The following JMJD6 variants were observed in gnomAD, a reference collection of about 807,000 sequenced individuals.
JMJD6 encodes the protein bifunctional arginine demethylase and lysyl-hydroxylase JMJD6.
JMJD6 carries 17 observed loss-of-function variants against 45.8 expected under a neutral mutation model. The ratio of observed to expected loss-of-function variants is 0.37; its 90% CI spans 0.25 to 0.56. The LOEUF (loss-of-function observed/expected upper bound fraction) is 0.56, where lower values mean the gene tolerates loss of function less well. Among genes scored for constraint, JMJD6 ranks in the 20% least tolerant of loss-of-function variants. The pLI is 0.79. For missense variants in JMJD6, 470 were observed against 517.5 expected (o/e 0.91, Z 0.89); for synonymous variants, 221 against 196.3 (o/e 1.13, Z -1.05).
Position 76,718,764 on chromosome 17 carries a change from C to G in JMJD6, c.1177G>C (p.Asp393His), listed in dbSNP as rs1177861863. Residue 393 changes from aspartate to histidine, a missense_variant, in exon 6 of 6, where the codon GAC (aspartate) becomes CAC (histidine). Asp to His is a moderately conservative substitution (Grantham distance 81). Coordinates refer to ENST00000397625, the MANE Select transcript of JMJD6 (RefSeq NM_015167.3). Reference protein sequence around the residue: ...VGNGDTTSQDDCVSKERSSSR With the variant: ...VGNGDTTSQDHCVSKERSSSR ...GAGCTGCGCTCTTTGCTGACACAGT[C>G]GTCCTGGGAGGTGGTGTCCCCGTTT... 1 of 1,614,224 alleles carries G rather than the reference C, an allele frequency of 6.2e-7. No homozygotes were observed. Among genetic ancestry groups the G allele is most frequent in the Admixed American group, 1.7e-5 (1 of 60,032 alleles).
intron 5 of JMJD6, among the ~76,000 whole-genome samples, chr17:76,719,105 T>C (rs182590299): frequency 6.6e-6 from 1 of 152,310 alleles, no homozygotes; most frequent in Non-Finnish European, 1.5e-5. Context: ...AACCGTGTGG[T>C]TATCTGTCTG....
Position 76,718,704 on chromosome 17 carries a change from C to T in JMJD6, c.*25G>A, listed in dbSNP as rs922149465. On this transcript the variant is annotated 3_prime_UTR_variant, in exon 6 of 6. Transcript: ENST00000397625. ...CTGCCCTTGCCGCGAGCGTGTCCTTCCATACAGACAACAGCCTTGCTGGGT... is the reference window on the plus strand; with the variant it reads ...CTGCCCTTGCCGCGAGCGTGTCCTTTCATACAGACAACAGCCTTGCTGGGT... 1.2e-5 allele frequency: 20 copies of T among 1,611,914 alleles called. No individual in the cohort carries two copies. The highest frequency in any genetic ancestry group is 1.5e-5 in the Non-Finnish European group (18 of 1,178,782).
At position 76,725,606 on chromosome 17, in the gene JMJD6, C is replaced by A; in HGVS notation, c.379G>T (p.Asp127Tyr). The A allele has an allele frequency of 3.7e-6, 6 of 1,614,054 alleles. No homozygotes were observed. Among genetic ancestry groups the A allele is most frequent in the Non-Finnish European group, 5.1e-6 (6 of 1,180,010 alleles). The change falls in exon 2 of 6, where the codon GAT becomes TAT. Residue 127 changes from aspartate to tyrosine, a missense_variant. This residue lies in a region of JMJD6 where 346 missense variants were observed against 339.5 expected (regional missense o/e 1.02). Transcript: ENST00000397625. ...CTGTCAAAGATGTAAAGGGGACTAT[C>A]ATCTCGAGTGCTCTCCATGTACTCG... ...YIEYMESTRD[D>Y]SPLYIFDSSY...
At chr17:76,718,908 A>G (rs756761076) in intron 5 of JMJD6, 48 bp from the exon 6 acceptor site, 3 of 1,584,844 alleles carry the variant, frequency 1.9e-6, no homozygotes, top group Non-Finnish European at 2.6e-6. Context: ...GATGCAACCC[A>G]CTTCTTCATT....
At chr17:76,713,811 G>C (rs1289166110), downstream of JMJD6, 1 of 152,192 alleles carries the variant, frequency 6.6e-6, no homozygotes, top group Non-Finnish European at 1.5e-5. Flanking sequence ...ACTACCTTAA[G>C]TATACATTGG....
downstream of JMJD6, chr17:76,718,330 G>A: frequency 1.5e-6 from 1 of 652,642 alleles, no homozygotes; most frequent in Non-Finnish European, 2.1e-6. Flanking sequence ...CTACGCTGCT[G>A]GGACGACGAC....
chr17:76,725,339 G>T, intron 2 of JMJD6, 128 bp downstream of exon 2: 1 of 863,806 alleles, frequency 1.2e-6, no homozygotes, highest in Non-Finnish European at 1.7e-6. Context: ...TCGGGAGATG[G>T]AGGTTGCTGT....
At chr17:76,714,229 G>A (rs1193683619), downstream of JMJD6, 1 of 152,220 alleles carries the variant, frequency 6.6e-6, no homozygotes, top group Non-Finnish European at 1.5e-5. Context: ...TCCTCCTGAT[G>A]TTCTAGGTCC....
chr17:76,721,735 A>G (rs1046040550), intron 4 of JMJD6, 63 bp downstream of exon 4: 13 of 1,538,864 alleles, frequency 8.4e-6, no homozygotes, highest in East Asian at 6.8e-5. Flanking sequence ...GCAGTGGACT[A>G]GCCATTTTAT....
chr17:76,720,527 G>A, intron 4 of JMJD6, 29 bp from the exon 5 acceptor site: 1 of 1,610,520 alleles, frequency 6.2e-7, no homozygotes, highest in Non-Finnish European at 8.5e-7. Flanking sequence ...TGTTCTCAGT[G>A]CACTGACAGC....
Position 76,718,750 on chromosome 17 carries a change from T to C in JMJD6, c.1191A>G (p.Lys397=). 6.2e-7 allele frequency: 1 copy of C among 1,614,182 alleles called. No homozygotes were observed. Among genetic ancestry groups the C allele is most frequent in the Middle Eastern group, 1.6e-4 (1 of 6,062 alleles). The change falls in exon 6 of 6, where the codon AAA becomes AAG. Residue 397 remains lysine (K), a synonymous_variant. Transcript: ENST00000397625. ...TGGGTCACCTGGAGGAGCTGCGCTC[T>C]TTGCTGACACAGTCGTCCTGGGAGG... ...DTTSQDDCVS[K]ERSSSR
At chr17:76,723,390 C>G (rs1260094827) in intron 3 of JMJD6, among the ~76,000 whole-genome samples, 1 of 152,024 alleles carries the variant, frequency 6.6e-6, no homozygotes, top group Non-Finnish European at 1.5e-5. Context: ...TGGACTCACT[C>G]TCTAACAGTT....
At chr17:76,719,848 G>A (rs757260918) in intron 5 of JMJD6, among the ~76,000 whole-genome samples, 36 of 152,190 alleles carry the variant, frequency 2.4e-4, no homozygotes, top group Non-Finnish European at 4.8e-4. Context: ...TTAGCCGGGC[G>A]CTGTGGCTCA....
intron 5 of JMJD6, 72 bp from the exon 6 acceptor site, chr17:76,718,932 A>T: frequency 6.9e-7 from 1 of 1,454,886 alleles, no homozygotes; most frequent in South Asian, 1.2e-5. Context: ...CAAACCTCTG[A>T]CCTCGGGAGA....
chr17:76,718,295 C>T (rs933345101), downstream of JMJD6: 2 of 263,334 alleles, frequency 7.6e-6, no homozygotes, highest in Non-Finnish European at 1.2e-5. Context: ...CAGAAGATGC[C>T]GGGTGACTTT....
chr17:76,725,436 ATTT>A, intron 2 of JMJD6, 28 bp downstream of exon 2: 2 of 1,405,884 alleles, frequency 1.4e-6, no homozygotes, highest in Non-Finnish European at 1.9e-6. Context: ...AAAGAAAAGG[ATTT>A]TAACCACTTA....
chr17:76,712,912 A>C (rs1055667128), exon 7 of JMJD6: 1 of 152,248 alleles, frequency 6.6e-6, no homozygotes, highest in Non-Finnish European at 1.5e-5. Flanking sequence ...ACCCAATAGC[A>C]GATCCACAGG....
intron 3 of JMJD6, among the ~76,000 whole-genome samples, chr17:76,722,829 G>A (rs2076842274): frequency 9.9e-6 from 1 of 101,244 alleles, no homozygotes; most frequent in African/African-American, 3.9e-5. Context: ...CTGGGTGACA[G>A]AGCGAGACTT....
In JMJD6 at chr17:76,725,439, T is replaced by G. The variant is rs13342658; in HGVS notation, c.518+28A>C. 9.0e-3 allele frequency: 13,777 copies of G among 1,533,860 alleles called. 641 individuals carry two copies. In the African/African-American group the frequency reaches 0.13, roughly 15 times the overall value. The stretch of plus-strand genomic sequence containing the variant: ...AAAAAAAAAAAAAAAGAAAAGGATT[T>G]TAACCACTTAGCTGCAGAATACTTT... On this transcript the variant is annotated intron_variant, in intron 2 of 5. Transcript: ENST00000397625.
Sources: allele counts gnomAD v4.1 joint callset (sites outside exome capture counted in the v4.1 genomes callset), GRCh38; gene constraint gnomAD v4.1.1; regional missense constraint gnomAD v4.1.1; transcripts MANE v1.5; gene names NCBI Gene and HGNC (gene_info 2026-07-23, HGNC 2026-07-21).